The following NEDD4 variants were observed in gnomAD, a reference collection of about 807,000 sequenced individuals.
NEDD4 encodes the protein NEDD4 E3 ubiquitin protein ligase, also known as E3 ubiquitin-protein ligase NEDD4.
A neutral mutation model predicts 144.9 loss-of-function variants in NEDD4; 99 were observed. The observed-to-expected ratio is 0.68, with a 90% CI of 0.58 to 0.81. The LOEUF (loss-of-function observed/expected upper bound fraction) is 0.81, where lower values mean the gene tolerates loss of function less well. Among genes scored for constraint, NEDD4 ranks in the 30% least tolerant of loss-of-function variants. The pLI, the probability that NEDD4 is intolerant of heterozygous loss-of-function variation, is 0.00. For missense variants in NEDD4, 985 were observed against 1,065.9 expected (o/e 0.92, Z 1.06); for synonymous variants, 318 against 350.6 (o/e 0.91, Z 1.04).
rs1279890566 is a variant in NEDD4 at position 55,869,596 on chromosome 15, G to T, written c.490C>A (p.Gln164Lys). Residue 164 changes from glutamine to lysine, a missense_variant, in exon 8 of 29, where the codon CAG (glutamine) becomes AAG (lysine). Coordinates refer to ENST00000435532, the MANE Select transcript of NEDD4 (RefSeq NM_006154.4). ...AATCTCACCTCTAATTCCTCAGCCTGTTCTGCATTATCATCTTCTGAGCCA... is the reference window on the plus strand; with the variant it reads ...AATCTCACCTCTAATTCCTCAGCCTTTTCTGCATTATCATCTTCTGAGCCA... ...TSGSEDDNAE[Q>K]AEELEPGWVV... The T allele has an allele frequency of 4.4e-6, 7 of 1,579,462 alleles. No individual in the cohort carries two copies. Among genetic ancestry groups the T allele is most frequent in the Non-Finnish European group, 6.0e-6 (7 of 1,160,402 alleles).
At chr15:55,870,529 C>CTTTTTTTTTT (rs58174546) in intron 7 of NEDD4, among the ~76,000 whole-genome samples, 3 of 117,422 alleles carry the variant, frequency 2.6e-5, no homozygotes, top group African/African-American at 6.5e-5. Context: ...TCTTCTTCTT[C>CTTTTTTTTTT]TTTTTTTTTT....
intron 5 of NEDD4, among the ~76,000 whole-genome samples, chr15:55,909,003 A>T (rs1402260361): frequency 1.3e-5 from 2 of 152,254 alleles, no homozygotes; most frequent in African/African-American, 4.8e-5. Flanking sequence ...ATTTAAAGAC[A>T]TTGTCTACTA....
intron 1 of NEDD4, among the ~76,000 whole-genome samples, chr15:55,972,267 T>C (rs1044353812): frequency 1.3e-5 from 2 of 152,102 alleles, no homozygotes; most frequent in Admixed American, 6.6e-5. Context: ...AACTCATATC[T>C]TGAGCAGAAA....
chr15:55,921,583 A>G (rs913897682), intron 5 of NEDD4, among the ~76,000 whole-genome samples: 5 of 151,742 alleles, frequency 3.3e-5, no homozygotes, highest in African/African-American at 7.3e-5. Context: ...CCTCAGGAAC[A>G]CCTCCTGATC....
intron 5 of NEDD4, among the ~76,000 whole-genome samples, chr15:55,910,595 T>G (rs1161175311): frequency 6.6e-6 from 1 of 152,088 alleles, no homozygotes; most frequent in African/African-American, 2.4e-5. Flanking sequence ...TGTTCATCCT[T>G]ATCTGAGGCT....
intron 19 of NEDD4, among the ~76,000 whole-genome samples, chr15:55,841,610 T>C (rs1840423078): frequency 6.6e-6 from 1 of 151,808 alleles, no homozygotes; most frequent in South Asian, 2.1e-4. Flanking sequence ...TTTAGAGGAG[T>C]CTTGCTCTGT....
intron 1 of NEDD4, among the ~76,000 whole-genome samples, chr15:55,985,386 C>A (rs1457231308): frequency 2.0e-5 from 3 of 152,174 alleles, no homozygotes; most frequent in East Asian, 3.9e-4. Context: ...AGAGATGCAT[C>A]AGAAGGGTGC....
chr15:55,876,733 A>G (rs2035007590), intron 5 of NEDD4, among the ~76,000 whole-genome samples: 1 of 152,228 alleles, frequency 6.6e-6, no homozygotes, highest in South Asian at 2.1e-4. Context: ...ATGACAAACT[A>G]GTCCAATTAA....
intron 12 of NEDD4, among the ~76,000 whole-genome samples, chr15:55,853,348 A>G (rs967046083): frequency 8.5e-5 from 13 of 152,342 alleles, no homozygotes; most frequent in African/African-American, 3.1e-4. Context: ...TGTTTAACAC[A>G]GATAACGTCA....
intron 2 of NEDD4, among the ~76,000 whole-genome samples, chr15:55,959,724 A>C (rs548591345): frequency 6.6e-6 from 1 of 152,346 alleles, no homozygotes; most frequent in Admixed American, 6.5e-5. Flanking sequence ...GCTGAATGGC[A>C]AGAAGCTGAG....
intron 4 of NEDD4, among the ~76,000 whole-genome samples, chr15:55,944,861 A>T (rs1239986791): frequency 3.3e-5 from 5 of 152,152 alleles, no homozygotes; most frequent in African/African-American, 9.7e-5. Flanking sequence ...GTGATACCCA[A>T]GCAAACAGGG....
At chr15:55,875,853 A>G (rs1015710454) in intron 5 of NEDD4, among the ~76,000 whole-genome samples, 5 of 152,150 alleles carry the variant, frequency 3.3e-5, no homozygotes, top group Middle Eastern at 3.4e-3. Flanking sequence ...ATATTTGGGG[A>G]AAAAAACAGC....
chr15:55,961,346 T>C (rs2037423710), intron 2 of NEDD4, among the ~76,000 whole-genome samples: 1 of 151,926 alleles, frequency 6.6e-6, no homozygotes, highest in Non-Finnish European at 1.5e-5. Context: ...GAAAAAAAAA[T>C]ACAACAGCAG....
At chr15:55,832,952 T>C in intron 27 of NEDD4, 56 bp downstream of exon 27, 1 of 1,184,298 alleles carries the variant, frequency 8.4e-7, no homozygotes. Flanking sequence ...TCGTCAGCCA[T>C]GAAAAAGACA....
At chr15:55,948,111 A>G (rs1193793866) in intron 4 of NEDD4, among the ~76,000 whole-genome samples, 3 of 152,234 alleles carry the variant, frequency 2.0e-5, no homozygotes, top group Non-Finnish European at 2.9e-5. Context: ...AAGTCTCAGG[A>G]TACAAAATTA....
chr15:55,916,607 G>A (rs2036455557), intron 5 of NEDD4: 2 of 1,613,980 alleles, frequency 1.2e-6, no homozygotes, highest in Non-Finnish European at 1.7e-6. Flanking sequence ...TTTCAGATGA[G>A]GGAACAGATG....
At chr15:55,984,413 GTGA>G (rs1157783537) in intron 1 of NEDD4, among the ~76,000 whole-genome samples, 2 of 152,138 alleles carry the variant, frequency 1.3e-5, no homozygotes, top group Non-Finnish European at 2.9e-5. Flanking sequence ...CAATAATGTT[GTGA>G]TGATTACAGC....
rs1249282481 is a variant in NEDD4 at position 55,986,959 on chromosome 15, T to A, written c.45+6552A>T. On this transcript the variant is annotated intron_variant, in intron 1 of 28. Coordinates refer to ENST00000435532, the MANE Select transcript of NEDD4 (RefSeq NM_006154.4). ...CTGTGCATGTGTCTTTATAGCAGCA[T>A]GATTTATAGTCCTTTGGGTATATAC... Among the ~76,000 whole-genome samples the A allele has an allele frequency of 2.6e-5, 4 of 152,074 alleles. No individual in the cohort carries two copies. In the East Asian group the frequency reaches 5.8e-4, roughly 22 times the overall value.
intron 24 of NEDD4, among the ~76,000 whole-genome samples, chr15:55,834,664 AACC>A (rs2033113084): frequency 6.6e-6 from 1 of 152,098 alleles, no homozygotes; most frequent in East Asian, 1.9e-4. Context: ...TGGTGGTGTG[AACC>A]TGTGGTCCCA....
Sources: gnomAD v4.1 joint callset for allele counts (sites outside exome capture counted in the v4.1 genomes callset) on GRCh38, gnomAD v4.1.1 for gene constraint, MANE v1.5 for transcripts, NCBI Gene and HGNC (gene_info 2026-07-23, HGNC 2026-07-21) for gene names.